CFAP65: variants seen among roughly 807,000 people sequenced by gnomAD.
CFAP65 encodes cilia- and flagella-associated protein 65.
A neutral mutation model predicts 208.0 loss-of-function variants in CFAP65; 155 were observed. That is an observed-to-expected ratio of 0.75 (90% CI 0.65 to 0.85). The LOEUF (loss-of-function observed/expected upper bound fraction) is 0.85. CFAP65 is among the 40% of genes least tolerant of loss of function. CFAP65 has a pLI of 0.00. For missense variants in CFAP65, 2,294 were observed against 2,451.3 expected, an observed-to-expected ratio of 0.94 and a Z score of 1.36; for synonymous variants, 970 against 986.3, an observed-to-expected ratio of 0.98 and a Z score of 0.31.
intron 31 of CFAP65, 24 bp downstream of exon 31, chr2:219,005,997 A>G (rs1299872659): frequency 6.2e-7 from 1 of 1,606,800 alleles, no homozygotes; most frequent in Non-Finnish European, 8.5e-7. Context: ...GAGGAAGGTG[A>G]CCCCTGCCTT....
At chr2:219,017,542 T>G (rs1389035715) in intron 21 of CFAP65, among the ~76,000 whole-genome samples, 1 of 152,256 alleles carries the variant, frequency 6.6e-6, no homozygotes, top group South Asian at 2.1e-4. Context: ...CAAAAAAGCA[T>G]AGGAGAGTCA....
In CFAP65 at chr2:219,035,294, T is replaced by A. The variant is rs372036147; in HGVS notation, c.542+186A>T. 5.3e-6 allele frequency: 8 copies of A among 1,513,410 alleles called. No individual in the cohort carries two copies. In the East Asian group the frequency reaches 9.8e-5, roughly 19 times the overall value. 93.7% of individuals were successfully genotyped at this position (1,513,410 alleles called of 1,614,324 possible). On this transcript the variant is annotated intron_variant, in intron 5 of 34. Transcript: ENST00000341552. Reference sequence around the variant, plus strand: ...ATGGTACAGGCACACATTGGGACACTATACCACAATGAAAAATAATGGATT... The same window carrying A: ...ATGGTACAGGCACACATTGGGACACAATACCACAATGAAAAATAATGGATT...
chr2:219,025,781 T>A (rs776559738), intron 14 of CFAP65, among the ~76,000 whole-genome samples: 19 of 152,160 alleles, frequency 1.2e-4, no homozygotes, highest in Non-Finnish European at 2.4e-4. Flanking sequence ...GTATTTCCAA[T>A]GGAGCAGCAA....
At chr2:219,022,059 A>C (rs1304836913) in intron 17 of CFAP65, 112 bp downstream of exon 17, 2 of 1,500,178 alleles carry the variant, frequency 1.3e-6, no homozygotes, top group Non-Finnish European at 1.8e-6. Context: ...GAGGGCTCCT[A>C]TCCTCTGCCC....
intron 2 of CFAP65, 35 bp from the exon 3 acceptor site, chr2:219,039,085 T>A: frequency 6.4e-7 from 1 of 1,551,468 alleles, no homozygotes. Flanking sequence ...AGTCAATCCA[T>A]CTCCAGAGCA....
chr2:219,020,323 C>T (rs1947191732), intron 19 of CFAP65, among the ~76,000 whole-genome samples: 1 of 152,182 alleles, frequency 6.6e-6, no homozygotes, highest in Non-Finnish European at 1.5e-5. Flanking sequence ...GTATTGACTT[C>T]ACTTCCCTTT....
At chr2:219,013,191 G>T in intron 24 of CFAP65, 68 bp downstream of exon 24, 1 of 1,086,412 alleles carries the variant, frequency 9.2e-7, no homozygotes, top group Non-Finnish European at 1.4e-6. Context: ...CCTCTCAAGG[G>T]CTGACACTCA....
At chr2:219,016,872 C>T (rs377191570) in intron 21 of CFAP65, among the ~76,000 whole-genome samples, 1 of 152,266 alleles carries the variant, frequency 6.6e-6, no homozygotes, top group East Asian at 1.9e-4. Flanking sequence ...TATGTCCTGG[C>T]CCCTGCCCGC....
Position 219,010,885 on chromosome 2 carries a change from T to C in CFAP65, c.4069A>G (p.Asn1357Asp). The C allele has an allele frequency of 6.2e-7, 1 of 1,613,764 alleles. No homozygotes were observed. The highest frequency in any genetic ancestry group is 1.1e-5 in the South Asian group (1 of 91,074). ...NFDHPIFCCL[N>D]PKGEIQPGST... ...CCTGGCTGGATCTCCCCTTTGGGGT[T>C]GAGGCAGCAAAAGATGGGGTGATCA... The change falls in exon 25 of 35, where the codon AAC becomes GAC. Residue 1357 changes from asparagine (N) to aspartate (D), a missense_variant. Physicochemically the swap from Asn to Asp is conservative, Grantham distance 23 (BLOSUM62 1). This residue lies in a region of CFAP65 where 1,427 missense variants were observed against 1,438.7 expected (regional missense o/e 0.99). Transcript: ENST00000341552.
Position 219,031,616 on chromosome 2 carries a change from T to A in CFAP65, c.688A>T (p.Met230Leu), listed in dbSNP as rs759811048. Residue 230 changes from methionine to leucine, a missense_variant, in exon 7 of 35, where the codon ATG becomes TTG. Physicochemically the swap from Met to Leu is conservative, Grantham distance 15. Coordinates refer to ENST00000341552, the MANE Select transcript of CFAP65 (RefSeq NM_194302.4). This position sits in a 1 kb window ranked among gnomAD's most constrained non-coding sequence, Gnocchi z 5.2. ...DQLWFEKAEG[M>L]FCVGLRATLP... ...GTGGCCCGTAGGCCGACACAGAACA[T>A]CCCCTCCGCTTTCTCAAACCACAGC... 2.5e-6 allele frequency: 4 copies of A among 1,613,610 alleles called. No homozygotes were observed. The highest frequency in any genetic ancestry group is 3.4e-6 in the Non-Finnish European group (4 of 1,179,848).
At chr2:219,011,995 AG>A (rs930245416) in intron 24 of CFAP65, among the ~76,000 whole-genome samples, 1 of 152,252 alleles carries the variant, frequency 6.6e-6, no homozygotes, top group African/African-American at 2.4e-5. Context: ...CTTATAAAAG[AG>A]GCCTGTGGAA....
In CFAP65 at chr2:219,031,223, C is replaced by T; in HGVS notation, c.898G>A (p.Ala300Thr). 1 of 1,613,738 alleles carries T rather than the reference C, an allele frequency of 6.2e-7. No homozygotes were observed. Residue 300 changes from alanine (A) to threonine (T), a missense_variant, in exon 8 of 35, where the codon GCC becomes ACC. Physicochemically the swap from Ala to Thr is moderately conservative, Grantham distance 58 (BLOSUM62 0). Around this residue, in one of 2 missense-constraint regions of CFAP65, gnomAD observed 867 missense variants for 1,012.6 expected, o/e 0.86. Transcript: ENST00000341552. The surrounding 1 kb of genome is among the most constrained non-coding windows in gnomAD (Gnocchi z 5.2). The part of the protein sequence containing the change: ...PATGLLEPGQ[A>T]SQIKVTFQPL... The stretch of plus-strand genomic sequence containing the variant: ...TGAAAGGTCACCTTGATCTGAGAGG[C>T]CTGGCCTGGCTCCAGGAGCCCCGTG...
chr2:219,035,689 G>A (rs767706260), intron 4 of CFAP65, 25 bp from the exon 5 acceptor site: 16 of 1,590,910 alleles, frequency 1.0e-5, no homozygotes, highest in Non-Finnish European at 1.4e-5. Flanking sequence ...GGGAGAAGGG[G>A]GAGCAGAAAG....
Position 219,031,672 on chromosome 2 carries a change from C to CGGGGCA in CFAP65, c.646-20_646-15dup, listed in dbSNP as rs1272488834. The CGGGGCA allele has an allele frequency of 3.8e-6, 6 of 1,588,956 alleles. No homozygotes were observed. Among genetic ancestry groups the CGGGGCA allele is most frequent in the Admixed American group, 3.4e-5 (2 of 58,470 alleles). ...CATGTACTCCTTCTGCAGTGTGAGG[C>CGGGGCA]GGGGCAGGGGCAGTCACCCATCAGT... On this transcript the variant is annotated splice_polypyrimidine_tract_variant and intron_variant, in intron 6 of 34. Transcript: ENST00000341552. The surrounding 1 kb of genome is among the most constrained non-coding windows in gnomAD (Gnocchi z 5.2).
chr2:219,035,451 A>C (rs754156169), intron 5 of CFAP65, 29 bp downstream of exon 5: 1 of 1,614,060 alleles, frequency 6.2e-7, no homozygotes, highest in Admixed American at 1.7e-5. Flanking sequence ...AGGCTGTGGC[A>C]CTGGGTCCTT....
Position 219,037,629 on chromosome 2 carries a change from C to A in CFAP65, c.357+746G>T, listed in dbSNP as rs1476951563. On this transcript the variant is annotated intron_variant, in intron 4 of 34. Transcript: ENST00000341552. ...GAGGAAGAGAAGAGAAATGCCCTGG[C>A]TTCTCCCTTCATCCCATCTTCCAAT... Among the ~76,000 whole-genome samples the A allele has an allele frequency of 4.6e-5, 7 of 152,182 alleles. No homozygotes were observed. The East Asian group carries it at 1.3e-3, about 29-fold the overall frequency.
chr2:219,023,945 G>A, intron 15 of CFAP65, 70 bp downstream of exon 15: 1 of 1,543,208 alleles, frequency 6.5e-7, no homozygotes, highest in Non-Finnish European at 8.8e-7. Flanking sequence ...CCAGAATATG[G>A]CCTTGAAAAG....
intron 21 of CFAP65, chr2:219,018,673 C>T: frequency 4.3e-6 from 1 of 230,814 alleles, no homozygotes; most frequent in Non-Finnish European, 8.6e-6. Context: ...CCTCAGCCTC[C>T]CTGTCCATGA....
At position 219,027,611 on chromosome 2, in the gene CFAP65, A is replaced by G. The variant is rs527846326; in HGVS notation, c.2211+39T>C. 2.5e-6 allele frequency: 4 copies of G among 1,613,314 alleles called. No homozygotes were observed. The East Asian group carries it at 8.9e-5, about 36-fold the overall frequency. On this transcript the variant is annotated intron_variant, in intron 13 of 34. Coordinates refer to ENST00000341552, the MANE Select transcript of CFAP65 (RefSeq NM_194302.4). ...CCACCAAGCCACTCAGGCTCCTAGCAGAGACCCCGCATTCCTCCCTCTCAT... is the reference window on the plus strand; with the variant it reads ...CCACCAAGCCACTCAGGCTCCTAGCGGAGACCCCGCATTCCTCCCTCTCAT...
Sources: gnomAD v4.1 joint callset for allele counts (sites outside exome capture counted in the v4.1 genomes callset) on GRCh38, gnomAD v4.1.1 for gene constraint, gnomAD v4.1.1 regional missense constraint, Gnocchi (gnomAD v3.1) non-coding constraint, MANE v1.5 for transcripts, NCBI Gene and HGNC (gene_info 2026-07-23, HGNC 2026-07-21) for gene names.